The following MMP26 variants were observed in gnomAD, a reference collection of about 807,000 sequenced individuals.
MMP26 encodes the protein matrix metallopeptidase 26, also known as matrix metalloproteinase-26.
In MMP26, 33 loss-of-function variants were observed where a neutral mutation model predicts 31.0. The ratio of observed to expected loss-of-function variants is 1.06; its 90% CI spans 0.81 to 1.42. The LOEUF is 1.42. Among genes scored for constraint, MMP26 ranks in the 40% most tolerant of loss-of-function variants. The pLI is 0.00. For missense variants in MMP26, 347 were observed against 316.1 expected, an observed-to-expected ratio of 1.10 and a Z score of -0.74; for synonymous variants, 122 against 114.9, an observed-to-expected ratio of 1.06 and a Z score of -0.40.
chr11:4,746,221 ATT>A (rs1201322968), intron 1 of MMP26, among the ~76,000 whole-genome samples: 2 of 152,128 alleles, frequency 1.3e-5, no homozygotes, highest in Non-Finnish European at 2.9e-5. Flanking sequence ...GATTTCTATC[ATT>A]TTAGTGTTCT....
At chr11:4,734,488 G>A (rs1347876518) in intron 1 of MMP26, among the ~76,000 whole-genome samples, 1 of 151,716 alleles carries the variant, frequency 6.6e-6, no homozygotes, top group African/African-American at 2.4e-5. Flanking sequence ...TTAGGCTATT[G>A]ATTTATTTCC....
intron 1 of MMP26, among the ~76,000 whole-genome samples, chr11:4,718,451 T>C (rs1847965845): frequency 6.6e-6 from 1 of 152,234 alleles, no homozygotes; most frequent in Non-Finnish European, 1.5e-5. Flanking sequence ...CCTTCATTTG[T>C]TGTTGCCATT....
intron 2 of MMP26, among the ~76,000 whole-genome samples, chr11:4,772,023 A>G (rs1305674172): frequency 1.3e-5 from 2 of 152,184 alleles, no homozygotes; most frequent in Non-Finnish European, 2.9e-5. Context: ...GAGGAAGGAT[A>G]GACTACAGTT....
intron 2 of MMP26, among the ~76,000 whole-genome samples, chr11:4,919,879 C>T (rs533074273): frequency 6.6e-6 from 1 of 152,100 alleles, no homozygotes; most frequent in East Asian, 1.9e-4. Context: ...CTCTTAGGGA[C>T]TTCATCTCCT....
At chr11:4,852,095 G>A (rs997820949) in intron 2 of MMP26, among the ~76,000 whole-genome samples, 11 of 152,068 alleles carry the variant, frequency 7.2e-5, no homozygotes, top group African/African-American at 9.6e-5. Flanking sequence ...TAAGAAGGTC[G>A]AAAATTATAT....
chr11:4,803,908 C>T (rs762774407), intron 2 of MMP26: 1 of 1,613,126 alleles, frequency 6.2e-7, no homozygotes, highest in South Asian at 1.1e-5. Flanking sequence ...GGGGCTCACC[C>T]ACAGCAGCCC....
chr11:4,953,302 AACTCT>A (rs1003713855), intron 2 of MMP26, among the ~76,000 whole-genome samples: 1 of 125,246 alleles, frequency 8.0e-6, no homozygotes, highest in African/African-American at 2.7e-5. Flanking sequence ...TTATTTATTG[AACTCT>A]ACTCTTCATC....
chr11:4,762,132 G>C (rs571388479), intron 1 of MMP26, among the ~76,000 whole-genome samples: 1 of 152,202 alleles, frequency 6.6e-6, no homozygotes, highest in South Asian at 2.1e-4. Context: ...TACTTGATAA[G>C]TACTGATGAA....
At chr11:4,978,446 A>T (rs763150211) in intron 2 of MMP26, among the ~76,000 whole-genome samples, 1 of 152,082 alleles carries the variant, frequency 6.6e-6, no homozygotes, top group Non-Finnish European at 1.5e-5. Flanking sequence ...CATCTCTAAT[A>T]GTTTAATAAA....
At chr11:4,980,854 G>A (rs905332679) in intron 2 of MMP26, among the ~76,000 whole-genome samples, 12 of 150,560 alleles carry the variant, frequency 8.0e-5, no homozygotes, top group Non-Finnish European at 1.3e-4. Flanking sequence ...CTGTTTTAAT[G>A]AGAAGTACAA....
intron 2 of MMP26, among the ~76,000 whole-genome samples, chr11:4,888,441 A>C (rs1850572834): frequency 6.6e-6 from 1 of 152,172 alleles, no homozygotes. Flanking sequence ...GAAACACTAG[A>C]TAGTAATTTA....
At chr11:4,938,173 C>T (rs1051376825) in intron 2 of MMP26, 9 of 152,022 alleles carry the variant, frequency 5.9e-5, no homozygotes, top group Non-Finnish European at 8.8e-5. Context: ...ATTACCCATC[C>T]AAGAAAGAAG....
At chr11:4,920,355 T>C (rs184811176) in intron 2 of MMP26, among the ~76,000 whole-genome samples, 44 of 152,098 alleles carry the variant, frequency 2.9e-4, no homozygotes, top group Non-Finnish European at 5.7e-4. Context: ...TGTACCTTCC[T>C]TTCATACTGT....
At chr11:4,922,349 T>C (rs933991531) in intron 2 of MMP26, among the ~76,000 whole-genome samples, 3 of 148,004 alleles carry the variant, frequency 2.0e-5, no homozygotes, top group African/African-American at 7.6e-5. Flanking sequence ...CTCCTTCTCA[T>C]GACTCCACAT....
chr11:4,856,594 G>C (rs1850057132), intron 2 of MMP26, among the ~76,000 whole-genome samples: 2 of 152,260 alleles, frequency 1.3e-5, no homozygotes, highest in South Asian at 4.1e-4. Flanking sequence ...GACCTACAAA[G>C]AGACTTAGAC....
chr11:4,811,394 C>T (rs1410815001), intron 2 of MMP26, among the ~76,000 whole-genome samples: 1 of 152,094 alleles, frequency 6.6e-6, no homozygotes, highest in Non-Finnish European at 1.5e-5. Context: ...TCTGTTGTTC[C>T]CTTCTTTGTG....
At chr11:4,882,509 C>T in intron 2 of MMP26, 8 of 1,613,898 alleles carry the variant, frequency 5.0e-6, no homozygotes, top group Non-Finnish European at 5.9e-6. Flanking sequence ...GGGACTGTTT[C>T]TTCAGCTCTA....
chr11:4,867,872 C>G (rs1175497834), intron 2 of MMP26, among the ~76,000 whole-genome samples: 1 of 152,060 alleles, frequency 6.6e-6, no homozygotes, highest in Non-Finnish European at 1.5e-5. Context: ...TACCATTTGA[C>G]CGAGAAATCC....
At chr11:4,848,746 C>T in intron 2 of MMP26, 1 of 1,613,802 alleles carries the variant, frequency 6.2e-7, no homozygotes, top group South Asian at 1.1e-5. Context: ...AAAGAAATGG[C>T]CAGGCTGATT....
Sources: allele counts gnomAD v4.1 joint callset (sites outside exome capture counted in the v4.1 genomes callset), GRCh38; gene constraint gnomAD v4.1.1; transcripts MANE v1.5; gene names NCBI Gene and HGNC (gene_info 2026-07-23, HGNC 2026-07-21).